TTC23L: variants seen among roughly 807,000 people sequenced by gnomAD.
TTC23L encodes the protein tetratricopeptide repeat protein 23-like.
A neutral mutation model predicts 48.1 loss-of-function variants in TTC23L; 42 were observed. The observed-to-expected ratio is 0.87, with a 90% CI of 0.68 to 1.13. The LOEUF (loss-of-function observed/expected upper bound fraction) is 1.13. TTC23L is among the 50% of genes most tolerant of loss of function. The pLI is 0.00. For synonymous variants in TTC23L, 159 were observed against 157.2 expected (o/e 1.01, Z -0.09); for missense variants, 391 against 421.0 (o/e 0.93, Z 0.62).
At chr5:34,885,501 T>C (rs1270251158) in intron 9 of TTC23L, among the ~76,000 whole-genome samples, 1 of 152,104 alleles carries the variant, frequency 6.6e-6, no homozygotes, top group Admixed American at 6.6e-5. Context: ...TTCCAGTAAT[T>C]TGGGAGGCCA....
intron 2 of TTC23L, among the ~76,000 whole-genome samples, chr5:34,844,281 C>T (rs147998885): frequency 6.6e-6 from 1 of 151,850 alleles, no homozygotes; most frequent in Non-Finnish European, 1.5e-5. Flanking sequence ...AATGTTGCTT[C>T]CCTATCTACA....
the TTC23L span, among the ~76,000 whole-genome samples, chr5:34,923,850 TCTACCTA>T: frequency 3.9e-5 from 6 of 152,226 alleles, no homozygotes; most frequent in Non-Finnish European, 7.3e-5. Context: ...TTAAGTGAGC[TCTACCTA>T]CTTCTATTCA....
intron 4 of TTC23L, among the ~76,000 whole-genome samples, 185 bp from the exon 5 acceptor site, chr5:34,862,713 G>A (rs532892205): frequency 6.6e-6 from 1 of 152,240 alleles, no homozygotes; most frequent in East Asian, 1.9e-4. Context: ...CTTGAGTGGG[G>A]CCCAGGAACC....
the TTC23L span, chr5:34,915,642 G>T: frequency 2.8e-6 from 4 of 1,406,896 alleles, no homozygotes; most frequent in Non-Finnish European, 3.8e-6. Flanking sequence ...GGACGACCGC[G>T]GAGCTGAGCG....
chr5:34,882,354 T>A (rs1377260885), intron 9 of TTC23L, among the ~76,000 whole-genome samples: 1 of 152,140 alleles, frequency 6.6e-6, no homozygotes, highest in Non-Finnish European at 1.5e-5. Context: ...TATGGACAAG[T>A]CAGCTTTACC....
At chr5:34,918,140 CAAA>C in the TTC23L span, 206 of 103,218 alleles carry the variant, frequency 2.0e-3, no homozygotes, top group South Asian at 3.6e-3. Flanking sequence ...CCCATCTCTA[CAAA>C]AAAAAAAAAA....
At chr5:34,843,276 T>C (rs1405531810) in intron 2 of TTC23L, among the ~76,000 whole-genome samples, 2 of 152,234 alleles carry the variant, frequency 1.3e-5, no homozygotes, top group Non-Finnish European at 2.9e-5. Context: ...TGGTAACATA[T>C]GGAATCAATT....
chr5:34,884,814 TACAG>T (rs1762450209), intron 9 of TTC23L, among the ~76,000 whole-genome samples: 1 of 152,210 alleles, frequency 6.6e-6, no homozygotes, highest in Non-Finnish European at 1.5e-5. Context: ...GCAAAAATAT[TACAG>T]TAGTAGCCTT....
chr5:34,854,196 A>C (rs1250560272), intron 4 of TTC23L, among the ~76,000 whole-genome samples: 1 of 152,218 alleles, frequency 6.6e-6, no homozygotes, highest in Non-Finnish European at 1.5e-5. Flanking sequence ...ACGTTGGGGC[A>C]ATAAGTTGGA....
chr5:34,855,966 T>C (rs1225162964), intron 4 of TTC23L, among the ~76,000 whole-genome samples: 1 of 152,172 alleles, frequency 6.6e-6, no homozygotes, highest in Admixed American at 6.5e-5. Context: ...TTTTCAACGA[T>C]AGAAATGTGT....
the TTC23L span, chr5:34,913,899 A>G: frequency 1.4e-5 from 6 of 437,502 alleles, no homozygotes; most frequent in African/African-American, 8.1e-5. Context: ...ATGATTTTTT[A>G]TTGATACGGG....
the TTC23L span, chr5:34,918,287 A>T: frequency 2.5e-5 from 18 of 725,064 alleles, no homozygotes; most frequent in East Asian, 5.1e-4. Flanking sequence ...CCTGGGCAAC[A>T]GTGTGAGACC....
chr5:34,889,197 A>G (rs957214561), intron 9 of TTC23L, among the ~76,000 whole-genome samples: 6 of 152,286 alleles, frequency 3.9e-5, no homozygotes, highest in South Asian at 4.1e-4. Flanking sequence ...GCTAGGTCCT[A>G]TTCATAAAGT....
At chr5:34,925,613 G>A in the TTC23L span, 1 of 772,400 alleles carries the variant, frequency 1.3e-6, no homozygotes, top group Non-Finnish European at 1.9e-6. Context: ...TTACAAGAAA[G>A]AAAAATTAAG....
intron 8 of TTC23L, among the ~76,000 whole-genome samples, chr5:34,871,968 A>G (rs1292004615): frequency 1.3e-5 from 2 of 152,206 alleles, no homozygotes; most frequent in Non-Finnish European, 1.5e-5. Context: ...TGTAAGAGCT[A>G]AAATTTATAT....
intron 7 of TTC23L, chr5:34,868,584 T>A (rs1663620138): frequency 4.9e-6 from 1 of 202,334 alleles, no homozygotes; most frequent in African/African-American, 2.3e-5. Flanking sequence ...AGACTGGAGT[T>A]CAGTCCAGTG....
intron 4 of TTC23L, among the ~76,000 whole-genome samples, chr5:34,862,512 G>A (rs1760751609): frequency 1.3e-5 from 2 of 152,132 alleles, no homozygotes; most frequent in South Asian, 4.1e-4. Context: ...GTTGTGGGTT[G>A]AAAAGGTCAC....
At chr5:34,903,951 A>T (rs900952749), downstream of TTC23L, among the ~76,000 whole-genome samples, 1 of 152,080 alleles carries the variant, frequency 6.6e-6, no homozygotes, top group African/African-American at 2.4e-5. Context: ...TACAGATTTC[A>T]ATAAATATTG....
intron 8 of TTC23L, among the ~76,000 whole-genome samples, chr5:34,875,057 G>T (rs1032770367): frequency 6.6e-6 from 1 of 152,156 alleles, no homozygotes; most frequent in Non-Finnish European, 1.5e-5. Context: ...AAGAGTAGCC[G>T]TACTAGTTTC....
Sources: gnomAD v4.1 joint callset for allele counts (sites outside exome capture counted in the v4.1 genomes callset) on GRCh38, gnomAD v4.1.1 for gene constraint, MANE v1.5 for transcripts, NCBI Gene and HGNC (gene_info 2026-07-23, HGNC 2026-07-21) for gene names.